The following KIAA1217 variants were observed in gnomAD, a reference collection of about 807,000 sequenced individuals.
KIAA1217 encodes the protein KIAA1217, also known as sickle tail protein homolog.
Under a neutral mutation model 163.9 loss-of-function variants are expected in KIAA1217, and 88 were observed. The observed-to-expected ratio is 0.54, with a 90% CI of 0.45 to 0.64. The LOEUF is 0.64. KIAA1217 is among the 30% of genes least tolerant of loss of function. KIAA1217 has a pLI of 0.00. For missense variants in KIAA1217, 2,372 were observed against 2,475.0 expected (o/e 0.96, Z 0.88); for synonymous variants, 903 against 923.1 (o/e 0.98, Z 0.39).
At chr10:24,495,390 C>T (rs899847185) in intron 8 of KIAA1217, among the ~76,000 whole-genome samples, 194 bp downstream of exon 8, 5 of 152,194 alleles carry the variant, frequency 3.3e-5, no homozygotes, top group Admixed American at 6.5e-5. Flanking sequence ...ATTCTCCCTT[C>T]GGTTTTCATT....
intron 1 of KIAA1217, among the ~76,000 whole-genome samples, chr10:23,825,936 C>T (rs1837875189): frequency 6.6e-6 from 1 of 152,078 alleles, no homozygotes. Flanking sequence ...GAATGTGATG[C>T]AGATTAAATG....
rs1338424669 is a variant in KIAA1217, at chr10:23,790,586, TAC to T, written c.-321+95354_-321+95355del. On this transcript the variant is annotated intron_variant, in intron 1 of 18. Transcript: ENST00000376462. Reference sequence around the variant, plus strand: ...ATATGTATATATACATATGTATATGTACATATATACATGTACATATATACATA... The same window carrying T: ...ATATGTATATATACATATGTATATGTATATATACATGTACATATATACATA... Among the ~76,000 whole-genome samples, 34 of 127,826 alleles carry T rather than the reference TAC, an allele frequency of 2.7e-4. 3 individuals are homozygous for T. Among genetic ancestry groups the T allele is most frequent in the African/African-American group, 8.4e-4 (26 of 30,796 alleles). The allele number at this position is 127,826 out of a possible 152,430, so 83.9% of individuals were successfully genotyped here.
chr10:23,818,351 A>C (rs868216196), intron 1 of KIAA1217, among the ~76,000 whole-genome samples: 61 of 134,894 alleles, frequency 4.5e-4, no homozygotes, highest in African/African-American at 1.7e-3. Flanking sequence ...TATATAAAAA[A>C]ATATATATAT....
At chr10:24,318,266 G>C (rs1735051229) in intron 2 of KIAA1217, among the ~76,000 whole-genome samples, 1 of 152,116 alleles carries the variant, frequency 6.6e-6, no homozygotes. Flanking sequence ...GAATAGGTAG[G>C]TAGATAGATA....
At chr10:24,303,833 A>C (rs142883463) in intron 2 of KIAA1217, among the ~76,000 whole-genome samples, 5 of 151,936 alleles carry the variant, frequency 3.3e-5, no homozygotes, top group African/African-American at 1.2e-4. Context: ...TCAAATTTGC[A>C]CGTGTGTGGT....
At chr10:24,469,797 A>C (rs1221650919) in intron 5 of KIAA1217, among the ~76,000 whole-genome samples, 1 of 152,018 alleles carries the variant, frequency 6.6e-6, no homozygotes, top group Non-Finnish European at 1.5e-5. Context: ...TTATTAGTAG[A>C]GAGGGGGTTT....
At position 24,254,775 on chromosome 10, in the gene KIAA1217, C is replaced by A. The variant is rs74124999; in HGVS notation, c.354+34866C>A. On this transcript the variant is annotated intron_variant, in intron 2 of 20. Transcript: ENST00000376454. Reference sequence around the variant, plus strand: ...GAATTAGGTAAAGATCTGTCTCTAACCTTGGGCTATATGTGAACATTAACT... The same window carrying A: ...GAATTAGGTAAAGATCTGTCTCTAAACTTGGGCTATATGTGAACATTAACT... 5.7e-3 allele frequency among the ~76,000 whole-genome samples: 871 copies of A among 152,214 alleles called. 11 individuals are homozygous for A. The highest frequency in any genetic ancestry group is 0.02 in the African/African-American group (825 of 41,526).
At chr10:24,262,700 A>G (rs1031375527) in intron 2 of KIAA1217, among the ~76,000 whole-genome samples, 2 of 152,020 alleles carry the variant, frequency 1.3e-5, no homozygotes, top group African/African-American at 4.8e-5. Flanking sequence ...TGGGAGTTCC[A>G]TCTGAGGTTT....
At chr10:24,350,390 A>G (rs1417707318) in intron 2 of KIAA1217, among the ~76,000 whole-genome samples, 1 of 152,196 alleles carries the variant, frequency 6.6e-6, no homozygotes, top group Non-Finnish European at 1.5e-5. Context: ...CCCAAAGGAA[A>G]GTTACTTGGC....
intron 1 of KIAA1217, among the ~76,000 whole-genome samples, chr10:23,814,222 C>T (rs1219471839): frequency 6.6e-6 from 1 of 152,112 alleles, no homozygotes; most frequent in Non-Finnish European, 1.5e-5. Flanking sequence ...AATTTAAAGG[C>T]AAGCATTAGA....
intron 1 of KIAA1217, among the ~76,000 whole-genome samples, chr10:23,907,155 G>A (rs768652838): frequency 3.3e-5 from 5 of 152,040 alleles, no homozygotes; most frequent in African/African-American, 4.8e-5. Context: ...CTGCTGCTTT[G>A]CTTGAGTTAT....
intron 2 of KIAA1217, among the ~76,000 whole-genome samples, chr10:24,112,705 C>T: frequency 6.6e-6 from 1 of 152,110 alleles, no homozygotes; most frequent in East Asian, 1.9e-4. Context: ...CTGCCTCAGC[C>T]TCCCAAGTAG....
At chr10:23,896,285 C>T (rs538035012) in intron 1 of KIAA1217, among the ~76,000 whole-genome samples, 12 of 151,900 alleles carry the variant, frequency 7.9e-5, no homozygotes, top group Admixed American at 7.2e-4. Context: ...ATATTGAATG[C>T]ATCTTTAGGT....
rs544703749 is a variant in KIAA1217 at position 24,172,614 on chromosome 10, G to A, written c.-170-47012G>A. On this transcript the variant is annotated intron_variant, in intron 2 of 18. Transcript: ENST00000376462. ...TTAAATGAGTTAACATCTGTCCAAT[G>A]GTTAAACATGCTTAGCACATCATAA... Among the ~76,000 whole-genome samples, 5 of 152,280 alleles carry A rather than the reference G, an allele frequency of 3.3e-5. No individual in the cohort carries two copies. The South Asian group carries it at 1.0e-3, about 32-fold the overall frequency.
At chr10:23,934,625 A>ATATTTTTTTTTT (rs1554826424) in intron 1 of KIAA1217, among the ~76,000 whole-genome samples, 1 of 68,564 alleles carries the variant, frequency 1.5e-5, no homozygotes, top group African/African-American at 9.2e-5. Context: ...ATATATATAT[A>ATATTTTTTTTTT]TTTTTTTTTT....
chr10:24,383,313 TG>T (rs770104766), intron 3 of KIAA1217, among the ~76,000 whole-genome samples: 1 of 152,012 alleles, frequency 6.6e-6, no homozygotes, highest in Non-Finnish European at 1.5e-5. Flanking sequence ...CCCCCATACC[TG>T]GGGGAACTTT....
At chr10:24,040,929 A>G (rs1448815535) in intron 2 of KIAA1217, among the ~76,000 whole-genome samples, 2 of 152,248 alleles carry the variant, frequency 1.3e-5, no homozygotes, top group African/African-American at 2.4e-5. Context: ...AAAAATTACT[A>G]TACCGACTTT....
intron 2 of KIAA1217, among the ~76,000 whole-genome samples, chr10:24,241,185 CTG>C (rs1438036655): frequency 6.6e-6 from 1 of 152,112 alleles, no homozygotes; most frequent in African/African-American, 2.4e-5. Context: ...GATGCAGAAA[CTG>C]TGGCTCAGAG....
chr10:24,133,310 T>G (rs142856967), intron 2 of KIAA1217, among the ~76,000 whole-genome samples: 3 of 152,272 alleles, frequency 2.0e-5, no homozygotes, highest in African/African-American at 4.8e-5. Flanking sequence ...CGGTGTCTCA[T>G]GCTATAATCT....
Sources: allele counts gnomAD v4.1 joint callset (sites outside exome capture counted in the v4.1 genomes callset), GRCh38; gene constraint gnomAD v4.1.1; transcripts MANE v1.5; gene names NCBI Gene and HGNC (gene_info 2026-07-23, HGNC 2026-07-21).